The following REPS2 variants were observed in gnomAD, a reference collection of about 807,000 sequenced individuals.
The protein encoded by REPS2 is RALBP1 associated Eps domain containing 2, also known as ralBP1-associated Eps domain-containing protein 2.
Under a neutral mutation model 53.6 loss-of-function variants are expected in REPS2, and 23 were observed. The ratio of observed to expected loss-of-function variants is 0.43; its 90% CI spans 0.31 to 0.61. The LOEUF (loss-of-function observed/expected upper bound fraction) is 0.61, where lower values mean the gene tolerates loss of function less well. REPS2 is among the 20% of genes least tolerant of loss of function. The pLI is 0.11. For synonymous variants in REPS2, 238 were observed against 218.6 expected, an observed-to-expected ratio of 1.09 and a Z score of -0.78; for missense variants, 446 against 534.9, an observed-to-expected ratio of 0.83 and a Z score of 1.64.
chrX:17,074,061 A>T (rs1049180552), intron 11 of REPS2, 53 bp from the exon 12 acceptor site: 1 of 1,118,375 alleles, frequency 8.9e-7, no homozygotes, highest in African/African-American at 1.8e-5. Flanking sequence ...CAGGTGCTGC[A>T]TATAAACTTG....
the REPS2 span, among the ~76,000 whole-genome samples, chrX:17,175,807 T>TAA: frequency 8.9e-6 from 1 of 112,470 alleles, no homozygotes; most frequent in African/African-American, 3.2e-5. Flanking sequence ...AGGTCCCTTC[T>TAA]GTCTGAGGCT....
At chrX:17,003,149 G>A (rs1023664856) in intron 1 of REPS2, among the ~76,000 whole-genome samples, 1 of 111,794 alleles carries the variant, frequency 8.9e-6, no homozygotes, top group African/African-American at 3.3e-5. Flanking sequence ...GAAAGGAGAT[G>A]GGCTACAGTG....
intron 14 of REPS2, among the ~76,000 whole-genome samples, chrX:17,110,005 T>A (rs1368367620): frequency 1.8e-5 from 2 of 112,133 alleles, no homozygotes; most frequent in African/African-American, 6.5e-5. Flanking sequence ...ATCCTGTCAT[T>A]TAAATTATTC....
At position 17,054,842 on chromosome X, in the gene REPS2, A is replaced by T; in HGVS notation, c.1006A>T (p.Thr336Ser). The change falls in exon 8 of 18, where the codon ACC becomes TCC. Residue 336 changes from threonine (T) to serine (S), a missense_variant. By Grantham distance (58) the Thr-to-Ser change is moderately conservative (BLOSUM62 1). Transcript: ENST00000357277. The stretch of plus-strand genomic sequence containing the variant: ...TGATGCTGACTGTGATGGAGCCCTG[A>T]CCCTGCCTGAGTTCTGTGCTGCGTT... ...LSDADCDGAL[T>S]LPEFCAAFHL... is the part of the protein sequence containing the mutation. 3.3e-6 allele frequency: 4 copies of T among 1,211,112 alleles called. No individual in the cohort carries two copies. The highest frequency in any genetic ancestry group is 4.5e-6 in the Non-Finnish European group (4 of 895,211).
At chrX:16,980,266 G>A (rs1051337098) in intron 1 of REPS2, among the ~76,000 whole-genome samples, 22 of 107,419 alleles carry the variant, frequency 2.0e-4, no homozygotes, top group African/African-American at 7.4e-4. Flanking sequence ...ATGCCACCAC[G>A]GCCCGGCTAA....
At chrX:16,965,022 C>T (rs1226109250) in intron 1 of REPS2, among the ~76,000 whole-genome samples, 230 of 54,999 alleles carry the variant, frequency 4.2e-3, no homozygotes, top group Middle Eastern at 0.013. Flanking sequence ...CCGGACGGGG[C>T]GGCTGGCCGG....
the REPS2 span, among the ~76,000 whole-genome samples, chrX:17,166,198 T>C: frequency 9.0e-6 from 1 of 110,935 alleles, no homozygotes; most frequent in Non-Finnish European, 1.9e-5. Flanking sequence ...GGTGTTGCTT[T>C]CTTTGTCACC....
In REPS2 at chrX:17,135,348, A is replaced by G. The variant is rs1289562701; in HGVS notation, c.1750A>G (p.Thr584Ala). The change falls in exon 16 of 18, where the codon ACT becomes GCT. Residue 584 changes from threonine (T) to alanine (A), a missense_variant. Transcript: ENST00000357277. ...AGCTACAGAAAACCAAGAGCCTTCCACTGCTGCAAGTGGGCCAGCTTCTGC... is the reference window on the plus strand; with the variant it reads ...AGCTACAGAAAACCAAGAGCCTTCCGCTGCTGCAAGTGGGCCAGCTTCTGC... ...NQATENQEPS[T>A]AASGPASAAT... 8.2e-7 allele frequency: 1 copy of G among 1,212,130 alleles called. No individual in the cohort carries two copies. The highest frequency in any genetic ancestry group is 3.0e-5 in the East Asian group (1 of 33,866).
At chrX:17,032,854 C>A (rs913535051) in intron 5 of REPS2, among the ~76,000 whole-genome samples, 1 of 112,135 alleles carries the variant, frequency 8.9e-6, no homozygotes, top group African/African-American at 3.2e-5. Flanking sequence ...TTTTTGCTTA[C>A]TATTTTAGGA....
the REPS2 span, among the ~76,000 whole-genome samples, chrX:17,189,637 T>C: frequency 8.6e-5 from 9 of 104,958 alleles, no homozygotes. Flanking sequence ...TTGTCTTATT[T>C]TCCTCTCTCT....
the REPS2 span, among the ~76,000 whole-genome samples, chrX:17,189,592 T>A: frequency 2.7e-5 from 3 of 111,195 alleles, no homozygotes; most frequent in Non-Finnish European, 5.7e-5. Context: ...CAGTGGCACA[T>A]GTTACTTTCT....
At chrX:17,178,942 T>C in the REPS2 span, among the ~76,000 whole-genome samples, 2 of 110,362 alleles carry the variant, frequency 1.8e-5, no homozygotes, top group Non-Finnish European at 3.8e-5. Context: ...TTCCATAAAG[T>C]TTAGTGCACA....
intron 1 of REPS2, among the ~76,000 whole-genome samples, chrX:16,993,208 C>T (rs932736241): frequency 1.8e-5 from 2 of 111,999 alleles, no homozygotes. Context: ...GGTGAGAGTA[C>T]AGATTCTAGG....
chrX:17,022,333 C>T, intron 3 of REPS2, 62 bp downstream of exon 3: 1 of 1,003,079 alleles, frequency 1.0e-6, no homozygotes, highest in Non-Finnish European at 1.4e-6. Flanking sequence ...GTAGCAGGGC[C>T]TCGTATCTAC....
chrX:17,011,302 C>T (rs1246639467), intron 2 of REPS2, among the ~76,000 whole-genome samples: 1 of 111,406 alleles, frequency 9.0e-6, no homozygotes, highest in Non-Finnish European at 1.9e-5. Context: ...ACAGCTAGGG[C>T]AGAAGGAAAG....
intron 1 of REPS2, among the ~76,000 whole-genome samples, chrX:16,951,512 C>G: frequency 3.1e-5 from 1 of 32,253 alleles, no homozygotes; most frequent in South Asian, 2.4e-3. Context: ...CACACACACA[C>G]ACACACACAC....
At chrX:16,960,060 C>A (rs2060641049) in intron 1 of REPS2, among the ~76,000 whole-genome samples, 1 of 111,657 alleles carries the variant, frequency 9.0e-6, no homozygotes, top group Non-Finnish European at 1.9e-5. Flanking sequence ...TGCCACATTA[C>A]CAAAATAAGA....
At chrX:17,063,459 C>T (rs761759786) in intron 9 of REPS2, among the ~76,000 whole-genome samples, 6 of 111,449 alleles carry the variant, frequency 5.4e-5, no homozygotes, top group Non-Finnish European at 1.9e-5. Context: ...TGGATGGCAC[C>T]GTCTGCTCCC....
At chrX:17,180,744 C>T in the REPS2 span, among the ~76,000 whole-genome samples, 1 of 111,414 alleles carries the variant, frequency 9.0e-6, no homozygotes, top group East Asian at 2.8e-4. Context: ...CTTTTCCTGT[C>T]AGTAACCTCC....
Sources: allele counts gnomAD v4.1 joint callset (sites outside exome capture counted in the v4.1 genomes callset), GRCh38; gene constraint gnomAD v4.1.1; transcripts MANE v1.5; gene names NCBI Gene and HGNC (gene_info 2026-07-23, HGNC 2026-07-21).